Variants in CNTN4 observed in about 807,000 individuals in gnomAD.
The protein encoded by CNTN4 is contactin 4, also known as contactin-4.
In CNTN4, 77 loss-of-function variants were observed where a neutral mutation model predicts 122.5. That is an observed-to-expected ratio of 0.63 (90% CI 0.52 to 0.76). The LOEUF (loss-of-function observed/expected upper bound fraction) is 0.76, where lower values mean the gene tolerates loss of function less well. Ranked by LOEUF, CNTN4 falls within the 30% of genes least tolerant of loss-of-function variation. The pLI, the probability that CNTN4 is intolerant of heterozygous loss-of-function variation, is 0.00. For missense variants in CNTN4, 1,256 were observed against 1,259.1 expected, an observed-to-expected ratio of 1.00 and a Z score of 0.04; for synonymous variants, 512 against 447.0, an observed-to-expected ratio of 1.15 and a Z score of -1.83.
At chr3:2,773,990 C>A (rs4075531) in intron 6 of CNTN4, among the ~76,000 whole-genome samples, 110,482 of 151,942 alleles carry the variant, frequency 0.73, 42,139 homozygotes, top group Non-Finnish European at 0.84. Flanking sequence ...GAACTTTGGA[C>A]CTCAAGTGAT....
chr3:2,943,439 C>G (rs995989730), intron 13 of CNTN4, among the ~76,000 whole-genome samples: 1 of 151,974 alleles, frequency 6.6e-6, no homozygotes, highest in African/African-American at 2.4e-5. Context: ...AGAGCACAGT[C>G]AAGTGAGAAG....
At chr3:2,371,706 A>G (rs2045639745) in intron 3 of CNTN4, among the ~76,000 whole-genome samples, 1 of 152,202 alleles carries the variant, frequency 6.6e-6, no homozygotes, top group Non-Finnish European at 1.5e-5. Context: ...CATGTAACAT[A>G]TATTTTTGAA....
chr3:2,435,519 C>A (rs1043679895), intron 3 of CNTN4, among the ~76,000 whole-genome samples: 1 of 152,018 alleles, frequency 6.6e-6, no homozygotes, highest in Admixed American at 6.6e-5. Context: ...AGGGAGAGGC[C>A]AACTGTATAA....
chr3:2,711,122 T>C (rs1229096373), intron 4 of CNTN4, among the ~76,000 whole-genome samples: 3 of 152,190 alleles, frequency 2.0e-5, no homozygotes, highest in Non-Finnish European at 4.4e-5. Flanking sequence ...CAGTTTTTGA[T>C]GACTTCCTCA....
intron 3 of CNTN4, among the ~76,000 whole-genome samples, chr3:2,546,489 C>A (rs1487234425): frequency 1.3e-5 from 2 of 151,954 alleles, no homozygotes; most frequent in African/African-American, 4.8e-5. Flanking sequence ...GCACTGGGGC[C>A]TCCTTGAGGG....
chr3:2,653,838 G>A (rs2083465364), intron 4 of CNTN4, among the ~76,000 whole-genome samples: 1 of 152,128 alleles, frequency 6.6e-6, no homozygotes, highest in Non-Finnish European at 1.5e-5. Context: ...CTTCTGTTAG[G>A]ATCAAGTGAC....
chr3:2,573,651 C>T (rs1405051439), intron 4 of CNTN4, among the ~76,000 whole-genome samples: 1 of 152,168 alleles, frequency 6.6e-6, no homozygotes, highest in African/African-American at 2.4e-5. Flanking sequence ...CTACTCTCTT[C>T]AGTAGTGTTT....
chr3:2,385,667 C>G lies in CNTN4; in HGVS notation c.-89+46434C>G, dbSNP rs1041271940. ...TGGGAGCATAACTCCAAGCTCATCT[C>G]TCATCCTCCATCTTCACATGCTGCA... On this transcript the variant is annotated intron_variant, in intron 3 of 24. Coordinates refer to ENST00000418658, the MANE Select transcript of CNTN4 (RefSeq NM_175607.3). This position sits in a 1 kb window ranked among gnomAD's most constrained non-coding sequence, Gnocchi z 4.0. Among the ~76,000 whole-genome samples, 2 of 152,070 alleles carry G rather than the reference C, an allele frequency of 1.3e-5. No individual in the cohort carries two copies. The highest frequency in any genetic ancestry group is 4.8e-5 in the African/African-American group (2 of 41,444).
At chr3:2,817,813 T>C (rs1019210744) in intron 6 of CNTN4, among the ~76,000 whole-genome samples, 3 of 152,212 alleles carry the variant, frequency 2.0e-5, no homozygotes, top group Non-Finnish European at 2.9e-5. Flanking sequence ...TTCAGTGTTA[T>C]TTTTAGGGAT....
chr3:2,213,127 T>C (rs1459256270), intron 2 of CNTN4, among the ~76,000 whole-genome samples: 1 of 152,190 alleles, frequency 6.6e-6, no homozygotes, highest in African/African-American at 2.4e-5. Context: ...AATTACTGTT[T>C]TAAAGTATCA....
chr3:3,043,455 T>G (rs1700344023), intron 22 of CNTN4, 137 bp from the exon 23 acceptor site: 4 of 753,664 alleles, frequency 5.3e-6, no homozygotes, highest in Admixed American at 4.1e-5. Context: ...TCATCAGATT[T>G]TAGTGACCTT....
At chr3:2,290,229 C>G (rs2042082522) in intron 2 of CNTN4, among the ~76,000 whole-genome samples, 1 of 152,144 alleles carries the variant, frequency 6.6e-6, no homozygotes, top group African/African-American at 2.4e-5. Context: ...TAGAATTGTC[C>G]TGGCTTACAT....
At chr3:2,727,978 A>C (rs2149437387) in intron 4 of CNTN4, among the ~76,000 whole-genome samples, 1 of 152,338 alleles carries the variant, frequency 6.6e-6, no homozygotes, top group Middle Eastern at 3.4e-3. Flanking sequence ...TGCTCTATTC[A>C]GCTGAACAAC....
chr3:2,853,831 G>A (rs568228078), intron 7 of CNTN4, among the ~76,000 whole-genome samples: 1 of 152,264 alleles, frequency 6.6e-6, no homozygotes, highest in Non-Finnish European at 1.5e-5. Flanking sequence ...GATCCTCACT[G>A]AACCAATCAC....
intron 6 of CNTN4, among the ~76,000 whole-genome samples, chr3:2,807,425 C>T (rs973231854): frequency 1.3e-5 from 2 of 151,388 alleles, no homozygotes; most frequent in South Asian, 2.1e-4. Context: ...AACTTAAATT[C>T]AACATAAATA....
At chr3:2,555,376 CAT>C (rs1231650897) in intron 3 of CNTN4, among the ~76,000 whole-genome samples, 1 of 152,150 alleles carries the variant, frequency 6.6e-6, no homozygotes, top group East Asian at 1.9e-4. Context: ...ATCAGTTCAA[CAT>C]ATATTTACCA....
chr3:2,441,307 T>C (rs1326245908), intron 3 of CNTN4, among the ~76,000 whole-genome samples: 2 of 152,202 alleles, frequency 1.3e-5, no homozygotes, highest in Non-Finnish European at 2.9e-5. Flanking sequence ...TGTATTAATA[T>C]GTGATTCAAA....
At chr3:2,326,244 G>A (rs1431716006) in intron 2 of CNTN4, among the ~76,000 whole-genome samples, 1 of 152,078 alleles carries the variant, frequency 6.6e-6, no homozygotes, top group South Asian at 2.1e-4. Context: ...CTTTGAACTG[G>A]GACATTGGCT....
chr3:2,714,618 G>A (rs1395338849), intron 4 of CNTN4, among the ~76,000 whole-genome samples: 1 of 152,190 alleles, frequency 6.6e-6, no homozygotes, highest in Admixed American at 6.5e-5. Flanking sequence ...TAGGCAAGCA[G>A]TACTCAATGA....
Sources: allele counts gnomAD v4.1 joint callset (sites outside exome capture counted in the v4.1 genomes callset), GRCh38; gene constraint gnomAD v4.1.1; non-coding constraint Gnocchi (gnomAD v3.1); transcripts MANE v1.5; gene names NCBI Gene and HGNC (gene_info 2026-07-23, HGNC 2026-07-21).